CPEB2: variants seen among roughly 807,000 people sequenced by gnomAD.
CPEB2 encodes the protein cytoplasmic polyadenylation element-binding protein 2.
A neutral mutation model predicts 93.6 loss-of-function variants in CPEB2; 56 were observed. The ratio of observed to expected loss-of-function variants is 0.60; its 90% CI spans 0.48 to 0.75. CPEB2 has a LOEUF of 0.75. Among genes scored for constraint, CPEB2 ranks in the 30% least tolerant of loss-of-function variants. The probability of loss-of-function intolerance (pLI) is 0.00; values close to 1 mark genes in which losing one functional copy is unlikely to be tolerated. For synonymous variants in CPEB2, 764 were observed against 586.3 expected (o/e 1.30, Z -4.38); for missense variants, 1,579 against 1,395.1 (o/e 1.13, Z -2.10).
At chr4:15,063,186 G>A (rs1729364492) in intron 11 of CPEB2, among the ~76,000 whole-genome samples, 1 of 151,952 alleles carries the variant, frequency 6.6e-6, no homozygotes, top group Non-Finnish European at 1.5e-5. Context: ...CACATTAAAA[G>A]ACTATTTTGG....
Position 15,003,403 on chromosome 4 carries a change from C to A in CPEB2, c.730C>A (p.Leu244Ile). Reference sequence around the variant, plus strand: ...GTTCAGCCTCCTGCATCAGCAGCACCTCTCGCCGCAGGACTTCGCCCCGCG... The same window carrying A: ...GTTCAGCCTCCTGCATCAGCAGCACATCTCGCCGCAGGACTTCGCCCCGCG... ...QQFSLLHQQH[L>I]SPQDFAPRQR... The change falls in exon 1 of 12, where the codon CTC (leucine) becomes ATC (isoleucine). Residue 244 changes from leucine (L) to isoleucine (I), a missense_variant. Transcript: ENST00000538197. The A allele has an allele frequency of 7.3e-7, 1 of 1,367,030 alleles. No homozygotes were observed. Among genetic ancestry groups the A allele is most frequent in the Non-Finnish European group, 9.3e-7 (1 of 1,071,144 alleles). 84.7% of individuals were successfully genotyped at this position (1,367,030 alleles called of 1,614,324 possible).
In CPEB2 at chr4:15,062,242, T is replaced by C. The variant is rs1729257186; in HGVS notation, c.2859T>C (p.His953=). The part of the protein sequence containing the change: ...AISARFVQLQ[H]GDIDKRVEVK... The stretch of plus-strand genomic sequence containing the variant: ...GTGCTCGGTTTGTTCAGCTTCAGCA[T>C]GGTGATATTGATAAACGTGTAAGTT... The change falls in exon 11 of 12, where the codon CAT becomes CAC. Residue 953 remains histidine, a synonymous_variant. Transcript: ENST00000538197. 1.2e-6 allele frequency: 2 copies of C among 1,610,278 alleles called. No individual in the cohort carries two copies. Among genetic ancestry groups the C allele is most frequent in the African/African-American group, 1.3e-5 (1 of 74,754 alleles).
intron 4 of CPEB2, among the ~76,000 whole-genome samples, chr4:15,024,923 T>G (rs1006590098): frequency 6.6e-6 from 1 of 151,896 alleles, no homozygotes; most frequent in Non-Finnish European, 1.5e-5. Flanking sequence ...TTTTTGTATT[T>G]TCAGTAGAGA....
At chr4:15,034,529 G>C (rs1364568131) in intron 5 of CPEB2, among the ~76,000 whole-genome samples, 2 of 152,102 alleles carry the variant, frequency 1.3e-5, no homozygotes, top group Admixed American at 1.3e-4. Flanking sequence ...AGTAGTCTTA[G>C]TAGTCATTTG....
Position 15,003,690 on chromosome 4 carries a change from C to T in CPEB2, c.1017C>T (p.Phe339=). The T allele has an allele frequency of 2.1e-6, 3 of 1,456,588 alleles. No individual in the cohort carries two copies. Among genetic ancestry groups the T allele is most frequent in the Non-Finnish European group, 2.7e-6 (3 of 1,106,122 alleles). 90.2% of individuals were successfully genotyped at this position (1,456,588 alleles called of 1,614,324 possible). A position where few individuals can be genotyped will look rare whatever the true frequency, so the allele number is the denominator to read the frequency against. The change falls in exon 1 of 12, where the codon TTC becomes TTT. Residue 339 remains phenylalanine, a synonymous_variant. Coordinates refer to ENST00000538197, the MANE Select transcript of CPEB2 (RefSeq NM_001177382.2). ...LPGGALGAGA[F]SSLQSPDLPH... is the part of the protein sequence containing the mutation. The stretch of plus-strand genomic sequence containing the variant: ...GAGGTGCGCTTGGCGCGGGCGCCTT[C>T]AGCAGCCTGCAGAGCCCGGACCTTC...
intron 4 of CPEB2, among the ~76,000 whole-genome samples, chr4:15,029,106 T>G (rs1725805192): frequency 6.6e-6 from 1 of 152,066 alleles, no homozygotes; most frequent in Non-Finnish European, 1.5e-5. Flanking sequence ...GTTGTGTACT[T>G]TAAATCGTCT....
Position 15,013,076 on chromosome 4 carries a change from T to C in CPEB2, c.2035-4112T>C, listed in dbSNP as rs529069085. ...TAATCTTTTCTTAGGTTATCTTTTT[T>C]CAAGATTTGGATTACTTTGTTCTTT... On this transcript the variant is annotated intron_variant, in intron 3 of 11. Coordinates refer to ENST00000538197, the MANE Select transcript of CPEB2 (RefSeq NM_001177382.2). 7.9e-5 allele frequency among the ~76,000 whole-genome samples: 12 copies of C among 152,172 alleles called. 1 individual carries two copies. The South Asian group carries it at 2.5e-3, about 32-fold the overall frequency.
chr4:15,032,223 A>T (rs754433011), intron 4 of CPEB2, among the ~76,000 whole-genome samples: 1 of 152,070 alleles, frequency 6.6e-6, no homozygotes, highest in Non-Finnish European at 1.5e-5. Context: ...TCTACCTCCC[A>T]GCTAGGTGGG....
rs1722195310 is a variant in CPEB2 at position 15,003,107 on chromosome 4, A to T, written c.434A>T (p.His145Leu). ...LPSQDFKPSL[H>L]HPSSSSASSC... The stretch of plus-strand genomic sequence containing the variant: ...TCCCAGGACTTCAAACCGAGTCTGC[A>T]CCACCCCTCCTCCTCCTCCGCCTCC... Residue 145 changes from histidine to leucine, a missense_variant, in exon 1 of 12, where the codon CAC becomes CTC. His to Leu is a moderately conservative substitution (Grantham distance 99). Around this residue, in one of 2 missense-constraint regions of CPEB2, gnomAD observed 1,411 missense variants for 1,056.0 expected, o/e 1.34. Transcript: ENST00000538197. The T allele has an allele frequency of 6.5e-7, 1 of 1,531,716 alleles. No homozygotes were observed. Among genetic ancestry groups the T allele is most frequent in the Admixed American group, 2.0e-5 (1 of 50,536 alleles). The allele number at this position is 1,531,716 out of a possible 1,614,324, so 94.9% of individuals were successfully genotyped here. A position where few individuals can be genotyped will look rare whatever the true frequency, so the allele number is the denominator to read the frequency against.
chr4:15,029,904 A>G (rs1392870587), intron 4 of CPEB2, among the ~76,000 whole-genome samples: 1 of 152,144 alleles, frequency 6.6e-6, no homozygotes, highest in Non-Finnish European at 1.5e-5. Flanking sequence ...TACTTCCCAG[A>G]AATTGCACGT....
intron 4 of CPEB2, chr4:15,017,717 A>C (rs979205387): frequency 6.0e-5 from 9 of 150,346 alleles, no homozygotes; most frequent in African/African-American, 2.2e-4. Context: ...AAGGGGGGGG[A>C]GTATTTTATA....
chr4:15,034,055 A>G lies in CPEB2; in HGVS notation c.2176+844A>G, dbSNP rs548546283. 4.6e-5 allele frequency among the ~76,000 whole-genome samples: 7 copies of G among 152,324 alleles called. 1 individual carries two copies. Among genetic ancestry groups the G allele is most frequent in the African/African-American group, 1.7e-4 (7 of 41,580 alleles). On this transcript the variant is annotated intron_variant, in intron 5 of 11. Coordinates refer to ENST00000538197, the MANE Select transcript of CPEB2 (RefSeq NM_001177382.2). ...GTGAAGCTAGACTATGTGAACTAAT[A>G]TTAAGACAGAAGGATGGAAATAAAG...
intron 4 of CPEB2, among the ~76,000 whole-genome samples, chr4:15,025,862 A>T (rs1725395187): frequency 6.6e-6 from 1 of 152,032 alleles, no homozygotes; most frequent in African/African-American, 2.4e-5. Flanking sequence ...GTTACCATTC[A>T]ACCATTCACA....
chr4:15,002,566 C>T lies in CPEB2; in HGVS notation c.-108C>T. The T allele has an allele frequency of 1.1e-6, 1 of 902,044 alleles. No individual in the cohort carries two copies. The highest frequency in any genetic ancestry group is 3.0e-5 in the East Asian group (1 of 32,814). 55.9% of individuals were successfully genotyped at this position (902,044 alleles called of 1,614,324 possible). ...TGGCTCAGTCACGGTGTCCCTCTCTCACTGACTCCCCCTCCTTCCACCACG... is the reference window on the plus strand; with the variant it reads ...TGGCTCAGTCACGGTGTCCCTCTCTTACTGACTCCCCCTCCTTCCACCACG... On this transcript the variant is annotated 5_prime_UTR_variant, in exon 1 of 12. Coordinates refer to ENST00000538197, the MANE Select transcript of CPEB2 (RefSeq NM_001177382.2).
rs1392247315 is a variant in CPEB2 at position 15,066,253 on chromosome 4, C to T, written c.2978C>T (p.Thr993Ile). ...GCTCCCTTTTTTTGTGCCAATGTCA[C>T]TTGCCTGCAGTATTACTGTGAGTTT... Reference protein sequence around the residue: ...KFAPFFCANVTCLQYYCEFCW... With the variant: ...KFAPFFCANVICLQYYCEFCW... The change falls in exon 12 of 12, where the codon ACT becomes ATT. Residue 993 changes from threonine to isoleucine, a missense_variant. Physicochemically the swap from Thr to Ile is moderately conservative, Grantham distance 89. Coordinates refer to ENST00000538197, the MANE Select transcript of CPEB2 (RefSeq NM_001177382.2). 1 of 1,613,580 alleles carries T rather than the reference C, an allele frequency of 6.2e-7. No individual in the cohort carries two copies. The highest frequency in any genetic ancestry group is 1.1e-5 in the South Asian group (1 of 91,086).
chr4:15,037,424 T>C (rs1726725223), intron 5 of CPEB2, among the ~76,000 whole-genome samples: 1 of 152,212 alleles, frequency 6.6e-6, no homozygotes, highest in South Asian at 2.1e-4. Flanking sequence ...CTTTAACCTG[T>C]ATTTCCAGCT....
Position 15,007,595 on chromosome 4 carries a change from G to C in CPEB2, c.1944+9G>C. ...CACTCTTACCCTTACAGGTAAGAAT[G>C]GTATGTAAATGACCTTATCTCTAAT... On this transcript the variant is annotated intron_variant, in intron 2 of 11. Transcript: ENST00000538197. 2 of 1,525,738 alleles carry C rather than the reference G, an allele frequency of 1.3e-6. No individual in the cohort carries two copies. Among genetic ancestry groups the C allele is most frequent in the Non-Finnish European group, 1.8e-6 (2 of 1,124,668 alleles). The allele number at this position is 1,525,738 out of a possible 1,614,324, so 94.5% of individuals were successfully genotyped here. A position where few individuals can be genotyped will look rare whatever the true frequency, so the allele number is the denominator to read the frequency against.
chr4:15,053,162 G>A lies in CPEB2; in HGVS notation c.2371+578G>A, dbSNP rs1052264074. 2.6e-5 allele frequency among the ~76,000 whole-genome samples: 4 copies of A among 151,880 alleles called. No homozygotes were observed. The South Asian group carries it at 8.3e-4, about 32-fold the overall frequency. ...CTCCTGAGTAGCTGGGACTACAGGC[G>A]CCCGCCACCATGCCCCGCTAATTTG... On this transcript the variant is annotated intron_variant, in intron 7 of 11. Transcript: ENST00000538197.
intron 3 of CPEB2, among the ~76,000 whole-genome samples, chr4:15,012,413 G>T (rs1042893641): frequency 6.6e-6 from 1 of 152,118 alleles, no homozygotes; most frequent in African/African-American, 2.4e-5. Flanking sequence ...GAAAATAAAA[G>T]AAATGTATCT....
Sources: gnomAD v4.1 joint callset for allele counts (sites outside exome capture counted in the v4.1 genomes callset) on GRCh38, gnomAD v4.1.1 for gene constraint, gnomAD v4.1.1 regional missense constraint, MANE v1.5 for transcripts, NCBI Gene and HGNC (gene_info 2026-07-23, HGNC 2026-07-21) for gene names.